The following ETFA variants were observed in gnomAD, a reference collection of about 807,000 sequenced individuals.
ETFA encodes electron transfer flavoprotein subunit alpha, mitochondrial.
Under a neutral mutation model 46.2 loss-of-function variants are expected in ETFA, and 22 were observed. That is an observed-to-expected ratio of 0.48 (90% CI 0.34 to 0.68). ETFA has a LOEUF of 0.68. Among genes scored for constraint, ETFA ranks in the 30% least tolerant of loss-of-function variants. The probability of loss-of-function intolerance (pLI) is 0.01; values close to 1 mark genes in which losing one functional copy is unlikely to be tolerated. For synonymous variants in ETFA, 131 were observed against 139.9 expected, an observed-to-expected ratio of 0.94 and a Z score of 0.45; for missense variants, 345 against 401.1, an observed-to-expected ratio of 0.86 and a Z score of 1.19.
intron 1 of ETFA, among the ~76,000 whole-genome samples, chr15:76,299,738 C>CT (rs2039862149): frequency 6.6e-6 from 1 of 152,176 alleles, no homozygotes; most frequent in Admixed American, 6.5e-5. Context: ...ATTACAATTC[C>CT]TGTCCTTGCC....
At chr15:76,232,099 C>G (rs1225202803) in intron 9 of ETFA, among the ~76,000 whole-genome samples, 1 of 152,050 alleles carries the variant, frequency 6.6e-6, no homozygotes, top group Non-Finnish European at 1.5e-5. Flanking sequence ...ACAAAAAGGC[C>G]TCCATACCAC....
chr15:76,237,012 G>A (rs1159062647), intron 9 of ETFA, among the ~76,000 whole-genome samples: 1 of 152,140 alleles, frequency 6.6e-6, no homozygotes, highest in Non-Finnish European at 1.5e-5. Flanking sequence ...AAAAAGGAAG[G>A]GTATATCAGA....
chr15:76,272,867 A>C (rs898705557), intron 9 of ETFA, among the ~76,000 whole-genome samples: 8 of 149,108 alleles, frequency 5.4e-5, no homozygotes, highest in Non-Finnish European at 8.9e-5. Flanking sequence ...ATGTCAAGGA[A>C]GGCTCAAGCT....
chr15:76,295,845 T>C (rs1352200294), intron 1 of ETFA, 108 bp from the exon 2 acceptor site: 4 of 725,846 alleles, frequency 5.5e-6, no homozygotes, highest in African/African-American at 1.8e-5. Context: ...AACTATTCTG[T>C]ACACAATATT....
At chr15:76,297,286 G>A (rs562043402) in intron 1 of ETFA, among the ~76,000 whole-genome samples, 51 of 152,088 alleles carry the variant, frequency 3.4e-4, no homozygotes, top group Admixed American at 1.0e-3. Context: ...ATGTACATCT[G>A]CAGAATTAAT....
intron 1 of ETFA, among the ~76,000 whole-genome samples, chr15:76,309,069 TA>T (rs1320757285): frequency 6.6e-6 from 1 of 152,238 alleles, no homozygotes; most frequent in Non-Finnish European, 1.5e-5. Flanking sequence ...ATGTCCCTAT[TA>T]ATATATGGGT....
chr15:76,261,386 C>T lies in ETFA; in HGVS notation c.816+13026G>A, dbSNP rs1027232542. 3.0e-6 allele frequency: 4 copies of T among 1,317,744 alleles called. No homozygotes were observed. The African/African-American group carries it at 5.9e-5, about 19-fold the overall frequency. 81.6% of individuals were successfully genotyped at this position (1,317,744 alleles called of 1,614,324 possible). A position where few individuals can be genotyped will look rare whatever the true frequency, so the allele number is the denominator to read the frequency against. On this transcript the variant is annotated intron_variant, in intron 9 of 11. Coordinates refer to ENST00000557943, the MANE Select transcript of ETFA (RefSeq NM_000126.4). ...TACTGGCCCGTGTCAGAGCGCTCCACTGACTTCAGGCTGAGGAAGCCGATC... is the reference window on the plus strand; with the variant it reads ...TACTGGCCCGTGTCAGAGCGCTCCATTGACTTCAGGCTGAGGAAGCCGATC...
rs1336866701 is a variant in ETFA, at chr15:76,295,506, T to C, written c.186+85A>G. On this transcript the variant is annotated intron_variant, in intron 2 of 11. Coordinates refer to ENST00000557943, the MANE Select transcript of ETFA (RefSeq NM_000126.4). ...GATTAGAGCCCAGTTTGGGTTACAA[T>C]CCTAAGCATAATTCTCTGTTGCCAT... 21 of 1,209,252 alleles carry C rather than the reference T, an allele frequency of 1.7e-5. 1 individual carries two copies. In the South Asian group the frequency reaches 2.3e-4, roughly 13 times the overall value. The allele number at this position is 1,209,252 out of a possible 1,614,324, so 74.9% of individuals were successfully genotyped here.
chr15:76,232,565 GT>G (rs1318622005), intron 9 of ETFA, among the ~76,000 whole-genome samples: 1 of 152,200 alleles, frequency 6.6e-6, no homozygotes, highest in Non-Finnish European at 1.5e-5. Flanking sequence ...TGTCAAGGTG[GT>G]CCCACCTTGT....
intron 10 of ETFA, chr15:76,230,040 T>A (rs2039048024): frequency 6.6e-6 from 1 of 151,318 alleles, no homozygotes; most frequent in African/African-American, 2.4e-5. Flanking sequence ...CCCAGCACTT[T>A]GGGAGGCTGA....
intron 4 of ETFA, 38 bp from the exon 5 acceptor site, chr15:76,287,983 T>G: frequency 8.1e-7 from 1 of 1,234,206 alleles, no homozygotes; most frequent in Non-Finnish European, 1.2e-6. Flanking sequence ...CACACATACA[T>G]AGTGATGGAA....
At chr15:76,226,278 A>G (rs2039003453) in intron 10 of ETFA, 1 of 238,256 alleles carries the variant, frequency 4.2e-6, no homozygotes, top group Non-Finnish European at 8.2e-6. Context: ...TCCTTCATTT[A>G]TTATTTTAAA....
intron 1 of ETFA, among the ~76,000 whole-genome samples, chr15:76,306,029 C>T (rs2039936490): frequency 6.6e-6 from 1 of 151,778 alleles, no homozygotes; most frequent in South Asian, 2.1e-4. Flanking sequence ...TCATTTTTGA[C>T]ATTGTTTTTG....
chr15:76,217,939 A>C (rs1270452171), intron 11 of ETFA, among the ~76,000 whole-genome samples: 1 of 152,248 alleles, frequency 6.6e-6, no homozygotes, highest in Non-Finnish European at 1.5e-5. Context: ...GCCTATTAAA[A>C]GGCCCATGTT....
rs119458969 is a variant in ETFA at position 76,286,463 on chromosome 15, A to C, written c.470T>G (p.Val157Gly). 12 of 1,610,866 alleles carry C rather than the reference A, an allele frequency of 7.4e-6. No individual in the cohort carries two copies. The highest frequency in any genetic ancestry group is 1.7e-5 in the Admixed American group (1 of 59,974). ...CACTTTCACTTTCTCATCACACTTC[A>C]CTGTACATAGAGCATTTCCTGAAAC... is the stretch of plus-strand genomic sequence containing the variant. Reference protein sequence around the residue: ...TIYAGNALCTVKCDEKVKVFS... With the variant: ...TIYAGNALCTGKCDEKVKVFS... The change falls in exon 6 of 12, where the codon GTG becomes GGG. Residue 157 changes from valine (V) to glycine (G), a missense_variant. Coordinates refer to ENST00000557943, the MANE Select transcript of ETFA (RefSeq NM_000126.4).
At chr15:76,228,534 G>A (rs2039028975) in intron 10 of ETFA, among the ~76,000 whole-genome samples, 1 of 152,062 alleles carries the variant, frequency 6.6e-6, no homozygotes, top group African/African-American at 2.4e-5. Context: ...ATAACTGTGG[G>A]CAAGGAACCA....
intron 1 of ETFA, among the ~76,000 whole-genome samples, chr15:76,302,435 A>T (rs1160587770): frequency 2.0e-5 from 3 of 151,602 alleles, no homozygotes; most frequent in Non-Finnish European, 4.4e-5. Context: ...CAACTATATG[A>T]CACTCTGTTA....
chr15:76,268,358 C>T lies in ETFA; in HGVS notation c.816+6054G>A, dbSNP rs561130260. Among the ~76,000 whole-genome samples the T allele has an allele frequency of 6.8e-4, 103 of 152,136 alleles. 1 individual carries two copies. The highest frequency in any genetic ancestry group is 2.4e-3 in the African/African-American group (99 of 41,494). On this transcript the variant is annotated intron_variant, in intron 9 of 11. Transcript: ENST00000557943. ...GGACCCATGGATCCCAACCATGGAC[C>T]GGGTTCCCCCAGTACAAGCCATGAG... is the stretch of plus-strand genomic sequence containing the variant.
intron 4 of ETFA, among the ~76,000 whole-genome samples, chr15:76,291,594 C>CA (rs2039763305): frequency 6.6e-6 from 1 of 151,294 alleles, no homozygotes; most frequent in Non-Finnish European, 1.5e-5. Context: ...ACTAAAAATA[C>CA]AAAAAATTAG....
Sources: allele counts gnomAD v4.1 joint callset (sites outside exome capture counted in the v4.1 genomes callset), GRCh38; gene constraint gnomAD v4.1.1; transcripts MANE v1.5; gene names NCBI Gene and HGNC (gene_info 2026-07-23, HGNC 2026-07-21).